Variants in GNA12 observed in about 807,000 individuals in gnomAD.
The protein encoded by GNA12 is guanine nucleotide-binding protein subunit alpha-12.
Under a neutral mutation model 26.0 loss-of-function variants are expected in GNA12, and 9 were observed. That is an observed-to-expected ratio of 0.35 (90% CI 0.21 to 0.60). GNA12 has a LOEUF of 0.60. Among genes scored for constraint, GNA12 ranks in the 20% least tolerant of loss-of-function variants. The probability of loss-of-function intolerance (pLI) is 0.78; values close to 1 mark genes in which losing one functional copy is unlikely to be tolerated. For missense variants in GNA12, 405 were observed against 525.8 expected (o/e 0.77, Z 2.25); for synonymous variants, 264 against 219.6 (o/e 1.20, Z -1.79).
intron 3 of GNA12, 140 bp downstream of exon 3, chr7:2,733,302 GTGCCATTAC>G: frequency 1.5e-6 from 1 of 677,364 alleles, no homozygotes; most frequent in Non-Finnish European, 2.7e-6. Context: ...AAGTGAGAGC[GTGCCATTAC>G]AGTACTATTC....
At chr7:2,820,562 A>G (rs188189499) in intron 1 of GNA12, among the ~76,000 whole-genome samples, 487 of 152,250 alleles carry the variant, frequency 3.2e-3, no homozygotes, top group Non-Finnish European at 5.4e-3. Flanking sequence ...AAAAAGCTAA[A>G]AAATTGAAAA....
intron 2 of GNA12, among the ~76,000 whole-genome samples, chr7:2,788,405 A>G (rs1792421052): frequency 2.0e-5 from 3 of 152,052 alleles, no homozygotes; most frequent in Admixed American, 1.3e-4. Context: ...AGAAGAGGGG[A>G]GCTCTCCCTC....
intron 1 of GNA12, among the ~76,000 whole-genome samples, chr7:2,840,854 AAAAAAT>A (rs1254164225): frequency 1.3e-5 from 2 of 152,108 alleles, no homozygotes; most frequent in African/African-American, 4.8e-5. Context: ...ACTCTGTCTC[AAAAAAT>A]AAAAATAAAA....
chr7:2,737,278 TTTTTTTTTTTG>T lies in GNA12; in HGVS notation c.526-3788_526-3778del, dbSNP rs1314349541. On this transcript the variant is annotated intron_variant, in intron 2 of 3. Transcript: ENST00000275364. ...GCTATCTCACAGTTTTGTTTTGTTT[TTTTTTTTTTTG>T]TTTTTTTTTTTTTTTTTGAGATGGA... Among the ~76,000 whole-genome samples, 667 of 71,436 alleles carry T rather than the reference TTTTTTTTTTTG, an allele frequency of 9.3e-3. 35 individuals carry two copies. The highest frequency in any genetic ancestry group is 0.033 in the African/African-American group (581 of 17,466). The allele number at this position is 71,436 out of a possible 152,430, so 46.9% of individuals were successfully genotyped here. A position where few individuals can be genotyped will look rare whatever the true frequency, so the allele number is the denominator to read the frequency against.
rs187175512 is a variant in GNA12 at position 2,839,827 on chromosome 7, C to T, written c.309+4026G>A. On this transcript the variant is annotated intron_variant, in intron 1 of 3. Transcript: ENST00000275364. ...CAGCCTGGCCAACATGGTGAAACCC[C>T]GTCTCTACTAAATACACAAAAATTA... Among the ~76,000 whole-genome samples, 901 of 152,218 alleles carry T rather than the reference C, an allele frequency of 5.9e-3. 6 individuals are homozygous for T. The highest frequency in any genetic ancestry group is 0.021 in the African/African-American group (866 of 41,534).
intron 1 of GNA12, among the ~76,000 whole-genome samples, chr7:2,797,696 A>G (rs1222236351): frequency 6.6e-6 from 1 of 152,112 alleles, no homozygotes; most frequent in Non-Finnish European, 1.5e-5. Flanking sequence ...TGATGACCAA[A>G]GAGTAGTTGA....
At chr7:2,792,068 C>T (rs532641557) in intron 2 of GNA12, among the ~76,000 whole-genome samples, 3 of 152,242 alleles carry the variant, frequency 2.0e-5, no homozygotes, top group Admixed American at 6.5e-5. Context: ...ACCAAAGGGA[C>T]GACTACTGAC....
intron 2 of GNA12, among the ~76,000 whole-genome samples, chr7:2,776,296 G>A (rs1433401770): frequency 1.3e-5 from 2 of 152,194 alleles, no homozygotes; most frequent in Non-Finnish European, 2.9e-5. Flanking sequence ...TTGCCTGGTG[G>A]AAGAGGCCAG....
In GNA12 at chr7:2,731,294, G is replaced by T; in HGVS notation, c.1033C>A (p.Pro345Thr). The change falls in exon 4 of 4, where the codon CCA (proline) becomes ACA (threonine). Residue 345 changes from proline (P) to threonine (T), a missense_variant. By Grantham distance (38) the Pro-to-Thr change is conservative. Transcript: ENST00000275364. The surrounding 1 kb of genome is among the most constrained non-coding windows in gnomAD (Gnocchi z 6.0). Reference sequence around the variant, plus strand: ...GCGGTGGTGAAGTGGTGGAAGAGTGGCTTGCTGCGGTTCCGTCTCTTCCTG... The same window carrying T: ...GCGGTGGTGAAGTGGTGGAAGAGTGTCTTGCTGCGGTTCCGTCTCTTCCTG... Reference protein sequence around the residue: ...FDRKRRNRSKPLFHHFTTAID... With the variant: ...FDRKRRNRSKTLFHHFTTAID... 6.2e-7 allele frequency: 1 copy of T among 1,612,752 alleles called. No homozygotes were observed. The highest frequency in any genetic ancestry group is 8.5e-7 in the Non-Finnish European group (1 of 1,179,492).
At chr7:2,795,916 G>T (rs911536910) in intron 1 of GNA12, among the ~76,000 whole-genome samples, 2 of 151,618 alleles carry the variant, frequency 1.3e-5, no homozygotes, top group Non-Finnish European at 2.9e-5. Context: ...CGCCTCCCAG[G>T]TTCAAGCAAT....
chr7:2,741,847 T>C (rs183617637), intron 2 of GNA12, among the ~76,000 whole-genome samples: 1 of 150,508 alleles, frequency 6.6e-6, no homozygotes, highest in African/African-American at 2.5e-5. Flanking sequence ...ATAAGAGTAT[T>C]CATCTAGGAT....
intron 1 of GNA12, among the ~76,000 whole-genome samples, chr7:2,797,212 C>G (rs1381522094): frequency 6.6e-6 from 1 of 152,182 alleles, no homozygotes; most frequent in African/African-American, 2.4e-5. Flanking sequence ...GTGGCATGAA[C>G]ATGGCTCACT....
chr7:2,806,522 A>C (rs1792954641), intron 1 of GNA12, among the ~76,000 whole-genome samples: 1 of 151,946 alleles, frequency 6.6e-6, no homozygotes, highest in Non-Finnish European at 1.5e-5. Context: ...TCTGATTATA[A>C]AAGTGTATTT....
intron 2 of GNA12, among the ~76,000 whole-genome samples, chr7:2,759,184 TAAATA>T (rs1554257570): frequency 7.0e-6 from 1 of 141,998 alleles, no homozygotes; most frequent in Non-Finnish European, 1.5e-5. Flanking sequence ...AATAAATAAA[TAAATA>T]AAATAAAAAT....
chr7:2,730,571 G>A lies in GNA12; in HGVS notation c.*610C>T, dbSNP rs1264204775. 1 of 152,548 alleles carries A rather than the reference G, an allele frequency of 6.6e-6. No homozygotes were observed. The highest frequency in any genetic ancestry group is 1.5e-5 in the Non-Finnish European group (1 of 68,216). 9.4% of individuals were successfully genotyped at this position (152,548 alleles called of 1,614,324 possible). ...GCTTCATCTGAGAGGCTTGGACTAG[G>A]GGCTCTTAGGAAATCGGCACGGGAG... On this transcript the variant is annotated 3_prime_UTR_variant, in exon 4 of 4. Coordinates refer to ENST00000275364, the MANE Select transcript of GNA12 (RefSeq NM_007353.3).
intron 2 of GNA12, among the ~76,000 whole-genome samples, chr7:2,793,266 G>T (rs1792565341): frequency 6.6e-6 from 1 of 152,090 alleles, no homozygotes; most frequent in South Asian, 2.1e-4. Flanking sequence ...TCCAGGCCAG[G>T]ATCCAGCAGA....
At position 2,729,356 on chromosome 7, in the gene GNA12, T is replaced by C. The variant is rs752166505; in HGVS notation, c.*1825A>G. ...GGAGCTCTCTTTCTCCTTTAAAACG[T>C]GGTCATCGGCACTCATCTCCGGTCA... is the stretch of plus-strand genomic sequence containing the variant. On this transcript the variant is annotated 3_prime_UTR_variant, in exon 4 of 4. Transcript: ENST00000275364. 6.6e-6 allele frequency: 1 copy of C among 152,192 alleles called. No homozygotes were observed. 9.4% of individuals were successfully genotyped at this position (152,192 alleles called of 1,614,324 possible).
intron 1 of GNA12, among the ~76,000 whole-genome samples, chr7:2,840,553 C>T (rs1295065710): frequency 1.1e-4 from 16 of 152,200 alleles, no homozygotes; most frequent in Admixed American, 1.0e-3. Flanking sequence ...CACTGCAGAG[C>T]AATTTATTTA....
At chr7:2,836,028 A>G in intron 1 of GNA12, 1 of 305,008 alleles carries the variant, frequency 3.3e-6, no homozygotes, top group Non-Finnish European at 6.6e-6. Context: ...AAAGTTAAAC[A>G]TTTTATAATA....
Sources: allele counts gnomAD v4.1 joint callset (sites outside exome capture counted in the v4.1 genomes callset), GRCh38; gene constraint gnomAD v4.1.1; non-coding constraint Gnocchi (gnomAD v3.1); transcripts MANE v1.5; gene names NCBI Gene and HGNC (gene_info 2026-07-23, HGNC 2026-07-21).